Variants in CADPS observed in about 807,000 individuals in gnomAD.
CADPS encodes calcium-dependent secretion activator 1.
CADPS carries 57 observed loss-of-function variants against 167.3 expected under a neutral mutation model. That is an observed-to-expected ratio of 0.34 (90% CI 0.28 to 0.42). The LOEUF (loss-of-function observed/expected upper bound fraction) is 0.42, where lower values mean the gene tolerates loss of function less well. Ranked by LOEUF, CADPS falls within the 20% of genes least tolerant of loss-of-function variation. The pLI, the probability that CADPS is intolerant of heterozygous loss-of-function variation, is 1.00. For missense variants in CADPS, 1,414 were observed against 1,738.1 expected, an observed-to-expected ratio of 0.81 and a Z score of 3.32; for synonymous variants, 676 against 635.3, an observed-to-expected ratio of 1.06 and a Z score of -0.96.
At chr3:62,466,972 C>T (rs914171870) in intron 24 of CADPS, among the ~76,000 whole-genome samples, 3 of 152,186 alleles carry the variant, frequency 2.0e-5, no homozygotes, top group African/African-American at 7.2e-5. Flanking sequence ...TTTCTGAACT[C>T]TTGTGGCAAG....
At chr3:62,857,706 T>C (rs972619465) in intron 1 of CADPS, among the ~76,000 whole-genome samples, 5 of 152,050 alleles carry the variant, frequency 3.3e-5, no homozygotes, top group Non-Finnish European at 5.9e-5. Flanking sequence ...ATATATATTA[T>C]GTGCATAATG....
intron 1 of CADPS, among the ~76,000 whole-genome samples, chr3:62,865,799 TAC>T (rs1205095034): frequency 1.3e-5 from 2 of 152,126 alleles, no homozygotes; most frequent in Non-Finnish European, 2.9e-5. Flanking sequence ...ATACCTTAAC[TAC>T]ACCCAGAAAG....
intron 26 of CADPS, among the ~76,000 whole-genome samples, chr3:62,456,076 G>C (rs913402051): frequency 6.6e-6 from 1 of 152,074 alleles, no homozygotes; most frequent in African/African-American, 2.4e-5. Flanking sequence ...TTTTTGCAAG[G>C]CTCAAGGGAT....
intron 6 of CADPS, among the ~76,000 whole-genome samples, chr3:62,595,799 G>A (rs903828753): frequency 6.6e-6 from 1 of 152,092 alleles, no homozygotes; most frequent in Non-Finnish European, 1.5e-5. Flanking sequence ...GAGTCAGTGG[G>A]CTGGCAAAGG....
intron 18 of CADPS, 103 bp downstream of exon 18, chr3:62,499,059 A>G (rs2065275223): frequency 3.2e-6 from 2 of 634,146 alleles, no homozygotes; most frequent in East Asian, 5.3e-5. Context: ...CAGTTAAAAG[A>G]AAATGGGTGT....
At chr3:62,673,211 T>C (rs969230059) in intron 3 of CADPS, among the ~76,000 whole-genome samples, 4 of 152,226 alleles carry the variant, frequency 2.6e-5, no homozygotes, top group Admixed American at 2.6e-4. Context: ...AAATTTGAGA[T>C]AGAGATAATA....
At chr3:62,468,394 A>G (rs1229124689) in intron 24 of CADPS, among the ~76,000 whole-genome samples, 1 of 152,210 alleles carries the variant, frequency 6.6e-6, no homozygotes, top group African/African-American at 2.4e-5. Context: ...TATACCAAGC[A>G]AAGAAGAACA....
chr3:62,647,646 G>A (rs547443872), intron 5 of CADPS, among the ~76,000 whole-genome samples: 2 of 152,236 alleles, frequency 1.3e-5, no homozygotes, highest in South Asian at 2.1e-4. Context: ...CAAATGAGAC[G>A]ATGCACATAA....
At chr3:62,405,478 C>T (rs1489535791) in intron 28 of CADPS, among the ~76,000 whole-genome samples, 1 of 150,692 alleles carries the variant, frequency 6.6e-6, no homozygotes, top group Non-Finnish European at 1.5e-5. Flanking sequence ...AATAACGCAA[C>T]CCCCTGCCGC....
chr3:62,461,658 A>G (rs1234603922), intron 26 of CADPS, among the ~76,000 whole-genome samples: 1 of 152,198 alleles, frequency 6.6e-6, no homozygotes, highest in Non-Finnish European at 1.5e-5. Flanking sequence ...CCTCTTCTGT[A>G]TCCATCGCTG....
chr3:62,657,034 G>T (rs2071802717), intron 4 of CADPS, among the ~76,000 whole-genome samples: 1 of 152,174 alleles, frequency 6.6e-6, no homozygotes, highest in Non-Finnish European at 1.5e-5. Flanking sequence ...TTCCTACTAT[G>T]TGCTGGACAC....
intron 5 of CADPS, among the ~76,000 whole-genome samples, chr3:62,648,691 C>CAAAAAAAAAAAAAA (rs55665003): frequency 0.25 from 13,299 of 54,048 alleles, 4,564 homozygotes; most frequent in East Asian, 0.43. Flanking sequence ...GACGTTGTGT[C>CAAAAAAAAAAAAAA]AAAAAAAAAA....
chr3:62,777,684 A>AT (rs202127823), intron 1 of CADPS, among the ~76,000 whole-genome samples: 1,552 of 152,174 alleles, frequency 0.01, 24 homozygotes, highest in African/African-American at 0.035. Flanking sequence ...TTTCTGCTCA[A>AT]TTTTTTTATA....
intron 1 of CADPS, among the ~76,000 whole-genome samples, chr3:62,867,383 G>C (rs986068705): frequency 1.3e-5 from 2 of 152,024 alleles, no homozygotes; most frequent in Non-Finnish European, 2.9e-5. Context: ...CCATGTACAT[G>C]TGCTTGGCAT....
intron 28 of CADPS, among the ~76,000 whole-genome samples, chr3:62,406,889 T>C (rs969016077): frequency 6.6e-6 from 1 of 152,182 alleles, no homozygotes; most frequent in Admixed American, 6.5e-5. Flanking sequence ...TGCCACTTAA[T>C]TCTTCTTTCT....
chr3:62,624,625 A>T (rs1301992382), intron 6 of CADPS, among the ~76,000 whole-genome samples: 10 of 152,076 alleles, frequency 6.6e-5, no homozygotes, highest in African/African-American at 2.4e-4. Flanking sequence ...TTTACTGAGA[A>T]TCTGGAAATT....
At chr3:62,492,551 C>A in intron 19 of CADPS, 105 bp from the exon 20 acceptor site, 2 of 1,097,822 alleles carry the variant, frequency 1.8e-6, no homozygotes, top group Admixed American at 4.3e-5. Flanking sequence ...ATGGTGCATC[C>A]AGCAGGGTTT....
At chr3:62,769,546 G>C (rs1343587470) in intron 1 of CADPS, among the ~76,000 whole-genome samples, 9 of 152,046 alleles carry the variant, frequency 5.9e-5, no homozygotes, top group Non-Finnish European at 7.4e-5. Flanking sequence ...TCTCATCTTT[G>C]AGTGTTTGCA....
intron 6 of CADPS, among the ~76,000 whole-genome samples, chr3:62,634,482 A>G (rs1052702499): frequency 6.6e-6 from 1 of 152,216 alleles, no homozygotes; most frequent in Non-Finnish European, 1.5e-5. Flanking sequence ...TGGAATGCTC[A>G]CCTATTTTAA....
Sources: gnomAD v4.1 joint callset for allele counts (sites outside exome capture counted in the v4.1 genomes callset) on GRCh38, gnomAD v4.1.1 for gene constraint, MANE v1.5 for transcripts, NCBI Gene and HGNC (gene_info 2026-07-23, HGNC 2026-07-21) for gene names.